Variants in PAK1 observed in about 807,000 individuals in gnomAD.
The protein encoded by PAK1 is p21 (RAC1) activated kinase 1.
Under a neutral mutation model 67.4 loss-of-function variants are expected in PAK1, and 29 were observed. The ratio of observed to expected loss-of-function variants is 0.43; its 90% CI spans 0.32 to 0.59. The LOEUF (loss-of-function observed/expected upper bound fraction) is 0.59. Ranked by LOEUF, PAK1 falls within the 20% of genes least tolerant of loss-of-function variation. PAK1 has a pLI of 0.07. For missense variants in PAK1, 337 were observed against 670.7 expected (o/e 0.50, Z 5.50); for synonymous variants, 223 against 237.4 (o/e 0.94, Z 0.56).
At chr11:77,463,464 T>G (rs1403798650) in intron 1 of PAK1, among the ~76,000 whole-genome samples, 1 of 152,100 alleles carries the variant, frequency 6.6e-6, no homozygotes, top group Non-Finnish European at 1.5e-5. Flanking sequence ...TTATGAAAAA[T>G]TCAGTCTTTG....
At chr11:77,382,800 C>A (rs1048121401) in intron 2 of PAK1, among the ~76,000 whole-genome samples, 4 of 152,112 alleles carry the variant, frequency 2.6e-5, no homozygotes, top group Non-Finnish European at 4.4e-5. Flanking sequence ...GAGTTCAAGA[C>A]CAGCCTGGCC....
At chr11:77,462,968 GAAA>G (rs111437533) in intron 1 of PAK1, among the ~76,000 whole-genome samples, 1 of 34,012 alleles carries the variant, frequency 2.9e-5, no homozygotes, top group Admixed American at 4.8e-4. Context: ...ACAACAGTGA[GAAA>G]AAAAAAAAAA....
chr11:77,389,280 A>G (rs1186503232), intron 2 of PAK1, among the ~76,000 whole-genome samples: 2 of 152,216 alleles, frequency 1.3e-5, no homozygotes, highest in African/African-American at 4.8e-5. Flanking sequence ...CTTTGTTACC[A>G]AATATTTCAT....
At chr11:77,441,023 T>C (rs1030704857) in intron 1 of PAK1, among the ~76,000 whole-genome samples, 5 of 152,160 alleles carry the variant, frequency 3.3e-5, no homozygotes, top group African/African-American at 1.2e-4. Context: ...CCAGTCCTTC[T>C]CACCTGCTGC....
At chr11:77,527,993 G>C in the PAK1 span, among the ~76,000 whole-genome samples, 1 of 151,984 alleles carries the variant, frequency 6.6e-6, no homozygotes, top group African/African-American at 2.4e-5. Flanking sequence ...GGGACTACAG[G>C]CGAGTGCCAC....
At chr11:77,332,607 G>T in intron 14 of PAK1, 123 bp downstream of exon 14, 1 of 745,550 alleles carries the variant, frequency 1.3e-6, no homozygotes, top group South Asian at 1.8e-5. Context: ...AACAGAGTGA[G>T]TGTAGGAAGT....
chr11:77,524,105 G>A, the PAK1 span, among the ~76,000 whole-genome samples: 1,872 of 152,242 alleles, frequency 0.012, 16 homozygotes, highest in Non-Finnish European at 0.018. Context: ...CAAAATAAAC[G>A]CATATTATTT....
the PAK1 span, among the ~76,000 whole-genome samples, chr11:77,485,623 C>G: frequency 1.3e-4 from 20 of 152,076 alleles, no homozygotes; most frequent in Non-Finnish European, 1.9e-4. Context: ...TTACAGGCGT[C>G]TGCCACCTCA....
intron 11 of PAK1, among the ~76,000 whole-genome samples, chr11:77,337,791 A>G (rs552516946): frequency 6.6e-6 from 1 of 152,310 alleles, no homozygotes; most frequent in East Asian, 1.9e-4. Flanking sequence ...AAAACAACAA[A>G]TAAGGGTCAT....
intron 1 of PAK1, among the ~76,000 whole-genome samples, chr11:77,405,960 T>C (rs1419754463): frequency 2.6e-5 from 4 of 152,178 alleles, no homozygotes; most frequent in African/African-American, 9.7e-5. Context: ...TTAAACGCAA[T>C]TGACCTCTCT....
intron 1 of PAK1, among the ~76,000 whole-genome samples, chr11:77,471,834 T>G (rs919601139): frequency 6.6e-6 from 1 of 152,228 alleles, no homozygotes; most frequent in African/African-American, 2.4e-5. Flanking sequence ...TCAAAACATG[T>G]GCTTAGTAAA....
intron 1 of PAK1, among the ~76,000 whole-genome samples, chr11:77,416,424 C>A (rs1028573542): frequency 6.6e-6 from 1 of 152,092 alleles, no homozygotes; most frequent in African/African-American, 2.4e-5. Flanking sequence ...TAGTGTCTTT[C>A]ACCTCTACAT....
At chr11:77,480,673 G>A in the PAK1 span, among the ~76,000 whole-genome samples, 1 of 152,110 alleles carries the variant, frequency 6.6e-6, no homozygotes, top group African/African-American at 2.4e-5. Flanking sequence ...ACAGGTGTGT[G>A]CCACCATGCC....
intron 14 of PAK1, among the ~76,000 whole-genome samples, chr11:77,331,075 C>T (rs1490078965): frequency 6.6e-6 from 1 of 152,146 alleles, no homozygotes; most frequent in Non-Finnish European, 1.5e-5. Flanking sequence ...CAAATCAAAA[C>T]CACAATGAGA....
intron 13 of PAK1, among the ~76,000 whole-genome samples, chr11:77,335,511 T>A (rs1942537821): frequency 6.6e-6 from 1 of 152,210 alleles, no homozygotes; most frequent in Admixed American, 6.5e-5. Context: ...ATTCAGTTCA[T>A]CTTGTCAGCT....
intron 14 of PAK1, among the ~76,000 whole-genome samples, chr11:77,324,223 A>G (rs1277131146): frequency 3.0e-5 from 4 of 133,970 alleles, no homozygotes; most frequent in Non-Finnish European, 4.5e-5. Flanking sequence ...CCCAGGCTGG[A>G]GTGCAGTGGT....
chr11:77,399,835 G>A (rs1287099618), intron 1 of PAK1, among the ~76,000 whole-genome samples: 2 of 103,406 alleles, frequency 1.9e-5, no homozygotes, highest in Non-Finnish European at 3.5e-5. Flanking sequence ...CTCCAGCCTG[G>A]GCGACAGAGC....
chr11:77,427,629 T>G (rs1186787066), intron 1 of PAK1, among the ~76,000 whole-genome samples: 1 of 152,188 alleles, frequency 6.6e-6, no homozygotes, highest in Non-Finnish European at 1.5e-5. Flanking sequence ...TCCATCAGCA[T>G]TCCCTGAGGG....
chr11:77,403,367 A>C lies in PAK1; in HGVS notation c.-21-10826T>G, dbSNP rs573777799. ...TGATGATCATGTCAACACCCTGGCC[A>C]CTCCATTTTCTGACCTCCAGTCCAA... is the stretch of plus-strand genomic sequence containing the variant. On this transcript the variant is annotated intron_variant, in intron 1 of 14. Coordinates refer to ENST00000356341, the MANE Select transcript of PAK1 (RefSeq NM_002576.5). Among the ~76,000 whole-genome samples the C allele has an allele frequency of 2.9e-4, 44 of 152,048 alleles. No homozygotes were observed. The East Asian group carries it at 7.2e-3, about 25-fold the overall frequency.
Sources: gnomAD v4.1 joint callset for allele counts (sites outside exome capture counted in the v4.1 genomes callset) on GRCh38, gnomAD v4.1.1 for gene constraint, MANE v1.5 for transcripts, NCBI Gene and HGNC (gene_info 2026-07-23, HGNC 2026-07-21) for gene names.